Variants in RSRC1 observed in about 807,000 individuals in gnomAD.
The protein encoded by RSRC1 is arginine and serine rich coiled-coil 1, also known as serine/Arginine-related protein 53.
In RSRC1, 39 loss-of-function variants were observed where a neutral mutation model predicts 49.1. The observed-to-expected ratio is 0.79, with a 90% CI of 0.61 to 1.04. The LOEUF is 1.04. RSRC1 is among the 50% of genes least tolerant of loss of function. The probability of loss-of-function intolerance (pLI) is 0.00; values close to 1 mark genes in which losing one functional copy is unlikely to be tolerated. For missense variants in RSRC1, 388 were observed against 402.4 expected (o/e 0.96, Z 0.31); for synonymous variants, 143 against 130.8 (o/e 1.09, Z -0.63).
chr3:158,165,392 A>G (rs1718476405), intron 3 of RSRC1, among the ~76,000 whole-genome samples: 2 of 152,240 alleles, frequency 1.3e-5, no homozygotes, highest in Admixed American at 1.3e-4. Context: ...TTATGTATGC[A>G]CTTAAAAAGA....
chr3:158,283,961 T>C (rs191614516), intron 4 of RSRC1, among the ~76,000 whole-genome samples: 21 of 151,936 alleles, frequency 1.4e-4, no homozygotes, highest in Non-Finnish European at 2.5e-4. Context: ...TACATATGTA[T>C]ACATGTGCCA....
At chr3:158,314,082 A>ATTGTTG (rs543945598) in intron 5 of RSRC1, among the ~76,000 whole-genome samples, 47 of 151,802 alleles carry the variant, frequency 3.1e-4, no homozygotes, top group South Asian at 6.3e-4. Context: ...ATTATTGAAA[A>ATTGTTG]TTGTTGTTGT....
intron 3 of RSRC1, among the ~76,000 whole-genome samples, chr3:158,198,793 G>A (rs1460930839): frequency 6.6e-6 from 1 of 152,098 alleles, no homozygotes. Flanking sequence ...TTCGTATTCG[G>A]CCATCTTGGC....
chr3:158,287,669 A>G (rs1353343040), intron 4 of RSRC1, among the ~76,000 whole-genome samples: 1 of 152,204 alleles, frequency 6.6e-6, no homozygotes, highest in Admixed American at 6.5e-5. Context: ...AGCTATTTAC[A>G]ATATATAGTA....
In RSRC1 at chr3:158,322,757, G is replaced by T. The variant is rs566863833; in HGVS notation, c.531+24682G>T. Among the ~76,000 whole-genome samples the T allele has an allele frequency of 3.3e-5, 5 of 152,130 alleles. No homozygotes were observed. The East Asian group carries it at 9.7e-4, about 29-fold the overall frequency. ...TTACATGTATGTTAGGATATTTGAT[G>T]TTGTCCCACAGATAGCTAAGGCTCT... On this transcript the variant is annotated intron_variant, in intron 5 of 9. Transcript: ENST00000611884.
At chr3:158,137,806 A>C (rs984065711) in intron 3 of RSRC1, among the ~76,000 whole-genome samples, 1 of 151,510 alleles carries the variant, frequency 6.6e-6, no homozygotes, top group Non-Finnish European at 1.5e-5. Flanking sequence ...GGCGCCCACC[A>C]CCATGCCTGG....
chr3:158,196,172 G>A (rs557057054), intron 3 of RSRC1, among the ~76,000 whole-genome samples: 17 of 80,466 alleles, frequency 2.1e-4, no homozygotes, highest in South Asian at 1.5e-3. Context: ...CTTTTATTTC[G>A]TTGAGCAGTG....
chr3:158,146,357 G>T (rs7626423), intron 3 of RSRC1, among the ~76,000 whole-genome samples: 1 of 151,828 alleles, frequency 6.6e-6, no homozygotes, highest in Non-Finnish European at 1.5e-5. Flanking sequence ...GAATTTTGTC[G>T]AAGGCCTTTT....
intron 3 of RSRC1, among the ~76,000 whole-genome samples, chr3:158,196,075 A>C (rs552165518): frequency 1.6e-4 from 24 of 152,242 alleles, no homozygotes; most frequent in African/African-American, 5.1e-4. Flanking sequence ...TTGAATCTAT[A>C]AATTACCTTG....
At chr3:158,339,816 A>G (rs1425894155) in intron 5 of RSRC1, among the ~76,000 whole-genome samples, 1 of 152,194 alleles carries the variant, frequency 6.6e-6, no homozygotes, top group Non-Finnish European at 1.5e-5. Flanking sequence ...CAGAACAATT[A>G]ATTAAACTGA....
chr3:158,255,191 GT>G (rs1288077895), intron 4 of RSRC1, among the ~76,000 whole-genome samples: 1 of 152,016 alleles, frequency 6.6e-6, no homozygotes, highest in Non-Finnish European at 1.5e-5. Flanking sequence ...GGTTTTTATG[GT>G]TTTAGGTCTA....
At chr3:158,469,327 A>G (rs1738025192) in intron 7 of RSRC1, 1 of 444,402 alleles carries the variant, frequency 2.3e-6, no homozygotes, top group Non-Finnish European at 4.5e-6. Context: ...AAAGTCTACT[A>G]CATCTTCTAA....
chr3:158,120,905 T>A (rs529761787), intron 1 of RSRC1, among the ~76,000 whole-genome samples: 11 of 102,242 alleles, frequency 1.1e-4, no homozygotes, highest in Non-Finnish European at 2.1e-4. Context: ...TAAAAAATAG[T>A]ATTGCATATG....
intron 3 of RSRC1, among the ~76,000 whole-genome samples, chr3:158,149,746 G>A (rs78734738): frequency 0.052 from 7,858 of 152,108 alleles, 278 homozygotes; most frequent in Non-Finnish European, 0.075. Context: ...AACCCATCAG[G>A]ATCAAAGACC....
At chr3:158,240,902 A>C (rs985947252) in intron 4 of RSRC1, among the ~76,000 whole-genome samples, 6 of 152,156 alleles carry the variant, frequency 3.9e-5, no homozygotes, top group Non-Finnish European at 8.8e-5. Context: ...CAATACAATA[A>C]AATAAAATAT....
intron 5 of RSRC1, among the ~76,000 whole-genome samples, chr3:158,323,823 G>T (rs73168795): frequency 7.2e-5 from 11 of 151,922 alleles, no homozygotes; most frequent in Non-Finnish European, 1.5e-4. Flanking sequence ...TTTTTATAGA[G>T]AATGGGTCTC....
intron 3 of RSRC1, among the ~76,000 whole-genome samples, chr3:158,180,112 T>C (rs1719491823): frequency 6.6e-6 from 1 of 152,138 alleles, no homozygotes; most frequent in Non-Finnish European, 1.5e-5. Context: ...ACTATTGAGT[T>C]TTGAGAGTTC....
At chr3:158,236,475 G>A (rs1025322533) in intron 4 of RSRC1, among the ~76,000 whole-genome samples, 1 of 152,114 alleles carries the variant, frequency 6.6e-6, no homozygotes, top group African/African-American at 2.4e-5. Flanking sequence ...AGTCAGTCCT[G>A]GCCCCCAGCA....
intron 2 of RSRC1, among the ~76,000 whole-genome samples, chr3:158,122,808 C>T (rs1715364539): frequency 6.6e-6 from 1 of 151,998 alleles, no homozygotes; most frequent in African/African-American, 2.4e-5. Flanking sequence ...CAATTCCCAC[C>T]TATGAATGAG....
Sources: gnomAD v4.1 joint callset for allele counts (sites outside exome capture counted in the v4.1 genomes callset) on GRCh38, gnomAD v4.1.1 for gene constraint, MANE v1.5 for transcripts, NCBI Gene and HGNC (gene_info 2026-07-23, HGNC 2026-07-21) for gene names.